RPS6KC1: variants seen among roughly 807,000 people sequenced by gnomAD.
RPS6KC1 encodes the protein inactive ribosomal protein S6 kinase delta-1.
Under a neutral mutation model 103.8 loss-of-function variants are expected in RPS6KC1, and 54 were observed. The ratio of observed to expected loss-of-function variants is 0.52; its 90% CI spans 0.42 to 0.65. The LOEUF (loss-of-function observed/expected upper bound fraction) is 0.65, where lower values mean the gene tolerates loss of function less well. RPS6KC1 is among the 30% of genes least tolerant of loss of function. The pLI, the probability that RPS6KC1 is intolerant of heterozygous loss-of-function variation, is 0.00. For missense variants in RPS6KC1, 1,151 were observed against 1,253.8 expected, an observed-to-expected ratio of 0.92 and a Z score of 1.24; for synonymous variants, 439 against 438.7, an observed-to-expected ratio of 1.00 and a Z score of -0.01.
chr1:213,467,284 G>A, the RPS6KC1 span, among the ~76,000 whole-genome samples: 6 of 152,150 alleles, frequency 3.9e-5, no homozygotes, highest in Non-Finnish European at 8.8e-5. Context: ...TTTTCATCTT[G>A]GATGGAAATG....
chr1:213,131,460 T>C (rs2085604851), intron 6 of RPS6KC1, among the ~76,000 whole-genome samples: 1 of 152,068 alleles, frequency 6.6e-6, no homozygotes, highest in Non-Finnish European at 1.5e-5. Flanking sequence ...TTTTTTTTTT[T>C]TGAGATAGAG....
the RPS6KC1 span, among the ~76,000 whole-genome samples, chr1:213,507,483 C>T: frequency 8.8e-4 from 134 of 151,482 alleles, no homozygotes; most frequent in African/African-American, 2.9e-3. Context: ...AAGAAAGTGG[C>T]GCAAATTGGA....
At chr1:213,409,724 A>G in the RPS6KC1 span, among the ~76,000 whole-genome samples, 2 of 152,248 alleles carry the variant, frequency 1.3e-5, no homozygotes, top group African/African-American at 4.8e-5. Flanking sequence ...TGTTTAGTGC[A>G]TGCTCTGTGT....
At chr1:213,341,105 T>G in the RPS6KC1 span, among the ~76,000 whole-genome samples, 1 of 152,336 alleles carries the variant, frequency 6.6e-6, no homozygotes, top group Middle Eastern at 3.4e-3. Context: ...TCAAATGCCA[T>G]CCTGTGTAAC....
At chr1:213,055,297 T>A (rs1374617597) in intron 1 of RPS6KC1, among the ~76,000 whole-genome samples, 5 of 152,214 alleles carry the variant, frequency 3.3e-5, no homozygotes, top group Admixed American at 6.5e-5. Context: ...TCTAGAATTT[T>A]GTATACAAGG....
chr1:213,492,202 C>T, the RPS6KC1 span: 3 of 152,278 alleles, frequency 2.0e-5, no homozygotes, highest in Non-Finnish European at 4.4e-5. Context: ...TTCATCTACT[C>T]CTGAATTTTG....
At chr1:213,055,234 A>G (rs1004391184) in intron 1 of RPS6KC1, among the ~76,000 whole-genome samples, 3 of 151,730 alleles carry the variant, frequency 2.0e-5, no homozygotes, top group Non-Finnish European at 4.4e-5. Context: ...CTCATTCCCT[A>G]TCTCTAGGCA....
rs776968881 is a variant in RPS6KC1, at chr1:213,104,511, A to G, written c.320A>G (p.Gln107Arg). ...AGACAATGTGCTGAAGACCTGCTAC[A>G]GTTCTCTGCCAATATTCCTGCTCTT... ...ERRQCAEDLLQFSANIPALYN... is the reference protein window; with the variant it reads ...ERRQCAEDLLRFSANIPALYN... The change falls in exon 4 of 15, where the codon CAG becomes CGG. Residue 107 changes from glutamine to arginine, a missense_variant. Around this residue, in one of 3 missense-constraint regions of RPS6KC1, gnomAD observed 959 missense variants for 1,006.3 expected, o/e 0.95. Coordinates refer to ENST00000366960, the MANE Select transcript of RPS6KC1 (RefSeq NM_012424.6). 2 of 1,612,918 alleles carry G rather than the reference A, an allele frequency of 1.2e-6. No individual in the cohort carries two copies. Among genetic ancestry groups the G allele is most frequent in the Non-Finnish European group, 1.7e-6 (2 of 1,179,180 alleles).
chr1:213,580,484 A>G, the RPS6KC1 span, among the ~76,000 whole-genome samples: 1 of 152,132 alleles, frequency 6.6e-6, no homozygotes, highest in Non-Finnish European at 1.5e-5. Flanking sequence ...TACATGATAA[A>G]GCAGTGGTAG....
At chr1:213,561,564 G>C in the RPS6KC1 span, among the ~76,000 whole-genome samples, 3 of 152,148 alleles carry the variant, frequency 2.0e-5, no homozygotes, top group Admixed American at 6.5e-5. Context: ...TGCAGATGAG[G>C]GTACAGACAG....
chr1:213,434,643 A>G, the RPS6KC1 span, among the ~76,000 whole-genome samples: 2 of 152,078 alleles, frequency 1.3e-5, no homozygotes, highest in Non-Finnish European at 2.9e-5. Flanking sequence ...TTTATTAGAG[A>G]CAGCATTTTG....
the RPS6KC1 span, among the ~76,000 whole-genome samples, chr1:213,660,148 C>T: frequency 6.6e-6 from 1 of 152,192 alleles, no homozygotes; most frequent in African/African-American, 2.4e-5. Context: ...GCCCCTAAAG[C>T]TACCCTCTCT....
chr1:213,759,070 G>A, the RPS6KC1 span, among the ~76,000 whole-genome samples: 4 of 152,076 alleles, frequency 2.6e-5, no homozygotes, highest in Non-Finnish European at 5.9e-5. Context: ...TTGGTGCAGC[G>A]AACTTCACTG....
chr1:213,718,352 A>G, the RPS6KC1 span, among the ~76,000 whole-genome samples: 5 of 152,206 alleles, frequency 3.3e-5, no homozygotes, highest in African/African-American at 9.7e-5. Context: ...CTTCATAACA[A>G]GTATTGGGAT....
chr1:213,541,678 T>G, the RPS6KC1 span, among the ~76,000 whole-genome samples: 7 of 152,038 alleles, frequency 4.6e-5, no homozygotes, highest in African/African-American at 1.7e-4. Flanking sequence ...CAGAGCCAAA[T>G]AAGATAAAGG....
chr1:213,542,488 C>T, the RPS6KC1 span, among the ~76,000 whole-genome samples: 1 of 152,160 alleles, frequency 6.6e-6, no homozygotes, highest in Non-Finnish European at 1.5e-5. Flanking sequence ...CTCCTATCTC[C>T]AGCTTTGGTT....
At chr1:213,515,209 G>A in the RPS6KC1 span, among the ~76,000 whole-genome samples, 1 of 151,976 alleles carries the variant, frequency 6.6e-6, no homozygotes, top group Non-Finnish European at 1.5e-5. Context: ...AGTTTCTTTT[G>A]CTCTGCAGAA....
the RPS6KC1 span, among the ~76,000 whole-genome samples, chr1:213,302,975 G>C: frequency 6.6e-6 from 1 of 152,144 alleles, no homozygotes; most frequent in Non-Finnish European, 1.5e-5. Context: ...CCCTACCCCA[G>C]GTCTATAGAA....
chr1:213,346,767 A>G, the RPS6KC1 span, among the ~76,000 whole-genome samples: 93 of 152,294 alleles, frequency 6.1e-4, no homozygotes, highest in Middle Eastern at 3.4e-3. Context: ...TTATAAACAT[A>G]TCTGAACTCT....
Sources: gnomAD v4.1 joint callset for allele counts (sites outside exome capture counted in the v4.1 genomes callset) on GRCh38, gnomAD v4.1.1 for gene constraint, gnomAD v4.1.1 regional missense constraint, MANE v1.5 for transcripts, NCBI Gene and HGNC (gene_info 2026-07-23, HGNC 2026-07-21) for gene names.